KLRG1: variants seen among roughly 807,000 people sequenced by gnomAD.
The protein encoded by KLRG1 is killer cell lectin-like receptor subfamily G member 1.
A neutral mutation model predicts 21.8 loss-of-function variants in KLRG1; 16 were observed. That is an observed-to-expected ratio of 0.73 (90% CI 0.50 to 1.11). The LOEUF is 1.11. Ranked by LOEUF, KLRG1 falls within the 50% of genes most tolerant of loss-of-function variation. The pLI is 0.00. For synonymous variants in KLRG1, 69 were observed against 75.9 expected (o/e 0.91, Z 0.47); for missense variants, 173 against 218.3 (o/e 0.79, Z 1.31).
At chr12:9,088,050 C>T in the KLRG1 span, among the ~76,000 whole-genome samples, 17 of 152,164 alleles carry the variant, frequency 1.1e-4, no homozygotes, top group African/African-American at 4.1e-4. Flanking sequence ...CCTAGATCTA[C>T]AATTTAACAT....
At chr12:8,974,972 T>C (rs185607242) in intron 1 of KLRG1, among the ~76,000 whole-genome samples, 7 of 152,134 alleles carry the variant, frequency 4.6e-5, no homozygotes, top group African/African-American at 1.7e-4. Context: ...CTAGGCTCAC[T>C]GCAACCTCTG....
the KLRG1 span, among the ~76,000 whole-genome samples, chr12:9,063,033 C>G: frequency 5.3e-4 from 81 of 152,092 alleles, no homozygotes; most frequent in African/African-American, 1.9e-3. Flanking sequence ...ATTGTAAAGA[C>G]TAAAATACTA....
At chr12:9,113,617 C>A in the KLRG1 span, 1 of 1,407,286 alleles carries the variant, frequency 7.1e-7, no homozygotes, top group South Asian at 1.2e-5. Flanking sequence ...TTTTTTCCAT[C>A]ATCATAATTA....
chr12:9,084,560 A>G, the KLRG1 span, among the ~76,000 whole-genome samples: 1 of 151,882 alleles, frequency 6.6e-6, no homozygotes, highest in Non-Finnish European at 1.5e-5. Context: ...AAAAATTTTA[A>G]AAGATTCAAA....
At chr12:9,157,851 C>T in the KLRG1 span, 5 of 1,608,298 alleles carry the variant, frequency 3.1e-6, no homozygotes, top group Non-Finnish European at 4.3e-6. Flanking sequence ...CCTGTGAATA[C>T]AACATTGATT....
chr12:9,137,918 A>T, the KLRG1 span, among the ~76,000 whole-genome samples: 1 of 152,094 alleles, frequency 6.6e-6, no homozygotes, highest in East Asian at 1.9e-4. Flanking sequence ...GTTTTTTAAA[A>T]TGGAGCCTTT....
Position 8,959,860 on chromosome 12 carries a change from A to G in KLRG1, c.-156+9624A>G, listed in dbSNP as rs746766732. ...TTTACTGGTAGTATGTAGAAACACA[A>G]TTGGTTTTTGTATTTGTAACTGTAT... is the stretch of plus-strand genomic sequence containing the variant. On this transcript the variant is annotated intron_variant, in intron 1 of 4. Coordinates refer to the KLRG1 transcript ENST00000539240. 7.9e-5 allele frequency among the ~76,000 whole-genome samples: 12 copies of G among 152,268 alleles called. No homozygotes were observed. The South Asian group carries it at 2.1e-3, about 26-fold the overall frequency.
At chr12:8,987,964 A>T (rs1946872001), upstream of KLRG1, among the ~76,000 whole-genome samples, 1 of 152,134 alleles carries the variant, frequency 6.6e-6, no homozygotes, top group Non-Finnish European at 1.5e-5. Flanking sequence ...GGCAATGTTA[A>T]GTTTTGCTCT....
At chr12:9,162,463 G>A in the KLRG1 span, 259 of 668,022 alleles carry the variant, frequency 3.9e-4, 1 homozygote, top group Non-Finnish European at 4.7e-4. Flanking sequence ...CATACATAAA[G>A]AAATATTTAG....
the KLRG1 span, chr12:9,164,283 A>G: frequency 6.2e-7 from 1 of 1,609,516 alleles, no homozygotes; most frequent in Non-Finnish European, 8.5e-7. Flanking sequence ...TGAGGCAGAG[A>G]CAGAAATGAT....
the KLRG1 span, among the ~76,000 whole-genome samples, chr12:9,131,940 G>A: frequency 6.6e-6 from 1 of 152,074 alleles, no homozygotes; most frequent in African/African-American, 2.4e-5. Context: ...TCAAACCAGA[G>A]TGACTATGGT....
the KLRG1 span, chr12:9,162,430 G>T: frequency 1.7e-6 from 1 of 596,650 alleles, no homozygotes; most frequent in Non-Finnish European, 2.9e-6. Context: ...GCTCTCTTGG[G>T]CTCAATGTCT....
At chr12:9,073,162 G>A in the KLRG1 span, among the ~76,000 whole-genome samples, 2 of 152,156 alleles carry the variant, frequency 1.3e-5, no homozygotes, top group Non-Finnish European at 2.9e-5. Context: ...ACATGTGAAT[G>A]GCAATCAGTT....
At chr12:9,023,910 TC>T in the KLRG1 span, among the ~76,000 whole-genome samples, 1 of 152,102 alleles carries the variant, frequency 6.6e-6, no homozygotes, top group African/African-American at 2.4e-5. Context: ...GTTTTTTTTT[TC>T]TTATAAATGC....
chr12:9,192,631 TG>T, the KLRG1 span: 1 of 1,614,130 alleles, frequency 6.2e-7, no homozygotes. Flanking sequence ...TCCAGGTGAA[TG>T]TAACTTCCAC....
the KLRG1 span, chr12:9,079,443 C>A: frequency 8.1e-7 from 1 of 1,241,762 alleles, no homozygotes; most frequent in Non-Finnish European, 1.2e-6. Context: ...ATTTTGTTGT[C>A]ATAGATTAGG....
chr12:9,196,441 T>G, the KLRG1 span: 18 of 1,605,506 alleles, frequency 1.1e-5, no homozygotes, highest in South Asian at 1.4e-4. Flanking sequence ...CTTCCAGGTC[T>G]GAAAAATATA....
At chr12:8,992,148 CTCTTT>C (rs1946989831) in intron 1 of KLRG1, 53 bp from the exon 2 acceptor site, 1 of 1,434,320 alleles carries the variant, frequency 7.0e-7, no homozygotes. Flanking sequence ...CCCTGACTTT[CTCTTT>C]TCTTTCAACC....
the KLRG1 span, chr12:9,077,514 A>G: frequency 1.4e-6 from 2 of 1,467,458 alleles, no homozygotes; most frequent in Non-Finnish European, 1.9e-6. Flanking sequence ...ATTCATCCTT[A>G]CCCATATCCA....
Sources: gnomAD v4.1 joint callset for allele counts (sites outside exome capture counted in the v4.1 genomes callset) on GRCh38, gnomAD v4.1.1 for gene constraint, MANE v1.5 for transcripts, NCBI Gene and HGNC (gene_info 2026-07-23, HGNC 2026-07-21) for gene names.